ZNF177: variants seen among roughly 807,000 people sequenced by gnomAD.
ZNF177 encodes zinc finger protein 177.
ZNF177 carries 17 observed loss-of-function variants against 19.4 expected under a neutral mutation model. The observed-to-expected ratio is 0.87, with a 90% confidence interval of 0.60 to 1.31. The LOEUF is 1.31. ZNF177 is among the 40% of genes most tolerant of loss of function. The pLI, the probability that ZNF177 is intolerant of heterozygous loss-of-function variation, is 0.00. For missense variants in ZNF177, 633 were observed against 561.8 expected (o/e 1.13, Z -1.28); for synonymous variants, 220 against 188.7 (o/e 1.17, Z -1.36).
intron 2 of ZNF177, among the ~76,000 whole-genome samples, chr19:9,369,990 C>G (rs1364215973): frequency 6.6e-6 from 1 of 152,110 alleles, no homozygotes; most frequent in Non-Finnish European, 1.5e-5. Flanking sequence ...ATCCATTTTA[C>G]CTTTGTTCAT....
chr19:9,375,584 ATTTCT>A (rs2068098627), upstream of ZNF177, among the ~76,000 whole-genome samples: 1 of 151,974 alleles, frequency 6.6e-6, no homozygotes, highest in African/African-American at 2.4e-5. Context: ...GAATTTATTC[ATTTCT>A]TCTAGGTTAT....
chr19:9,367,857 TA>T (rs1189960430), intron 2 of ZNF177, among the ~76,000 whole-genome samples: 3 of 152,222 alleles, frequency 2.0e-5, no homozygotes, highest in African/African-American at 7.2e-5. Flanking sequence ...GGGGTTTGCA[TA>T]AAGGCTATAT....
At chr19:9,380,553 TGTCA>T (rs2068180568) in intron 5 of ZNF177, 111 bp from the exon 8 acceptor site, 1 of 1,532,290 alleles carries the variant, frequency 6.5e-7, no homozygotes, top group Non-Finnish European at 8.7e-7. Flanking sequence ...ATGGTACACA[TGTCA>T]GTCATGATCA....
At chr19:9,367,703 A>T (rs945675027) in intron 2 of ZNF177, among the ~76,000 whole-genome samples, 1 of 152,202 alleles carries the variant, frequency 6.6e-6, no homozygotes, top group African/African-American at 2.4e-5. Context: ...TTATACTCTT[A>T]ATCACGGTAA....
chr19:9,370,742 G>A (rs1247085923), intron 2 of ZNF177, among the ~76,000 whole-genome samples: 1 of 152,050 alleles, frequency 6.6e-6, no homozygotes, highest in Admixed American at 6.6e-5. Context: ...ATGCTGTATT[G>A]TTTAAGGAAT....
chr19:9,375,603 AT>A (rs2068098953), upstream of ZNF177, among the ~76,000 whole-genome samples: 1 of 151,918 alleles, frequency 6.6e-6, no homozygotes, highest in African/African-American at 2.4e-5. Flanking sequence ...AGGTTATCCA[AT>A]TTTTTGGCAT....
chr19:9,379,290 T>C, intron 3 of ZNF177: 1 of 1,110,598 alleles, frequency 9.0e-7, no homozygotes, highest in South Asian at 1.9e-5. Context: ...TTAAGGTAAT[T>C]TGCAATCTGT....
At chr19:9,363,013 G>C (rs1352681519), upstream of ZNF177, 1 of 152,312 alleles carries the variant, frequency 6.6e-6, no homozygotes. Context: ...GTGGGCGTCC[G>C]TCGCCTCGCC....
chr19:9,372,107 T>C (rs954985939), upstream of ZNF177, among the ~76,000 whole-genome samples: 6 of 152,222 alleles, frequency 3.9e-5, no homozygotes, highest in Non-Finnish European at 5.9e-5. Flanking sequence ...TAGAACTTTG[T>C]ATATAAGATT....
At chr19:9,379,382 C>T in intron 3 of ZNF177, 145 bp from the exon 6 acceptor site, 1 of 1,236,006 alleles carries the variant, frequency 8.1e-7, no homozygotes, top group Non-Finnish European at 1.1e-6. Context: ...AAAGAAAGAG[C>T]TCGGCTCTGA....
Position 9,379,621 on chromosome 19 carries a change from T to TGAGCCTTGGGCAGAACAGGGTG in ZNF177, c.253+3_253+24dup. 1 of 1,613,460 alleles carries TGAGCCTTGGGCAGAACAGGGTG rather than the reference T, an allele frequency of 6.2e-7. No homozygotes were observed. Among genetic ancestry groups the TGAGCCTTGGGCAGAACAGGGTG allele is most frequent in the East Asian group, 2.2e-5 (1 of 44,878 alleles). Reference sequence around the variant, plus strand: ...GAATTTTACAAGGTGACTGTGCAGGTGAGCCTTGGGCAGAACAGGGTGCAG... The same window carrying TGAGCCTTGGGCAGAACAGGGTG: ...GAATTTTACAAGGTGACTGTGCAGGTGAGCCTTGGGCAGAACAGGGTGGAGCCTTGGGCAGAACAGGGTGCAG... On this transcript the variant is annotated splice_region_variant and intron_variant, in intron 4 of 5. Coordinates refer to ENST00000589262, the Ensembl canonical transcript of ZNF177.
At chr19:9,380,637 C>A in intron 5 of ZNF177, 31 bp from the exon 8 acceptor site, 10 of 1,535,966 alleles carry the variant, frequency 6.5e-6, no homozygotes, top group Non-Finnish European at 8.7e-6. Context: ...GTGAAAAAGC[C>A]TCTAGTCACC....
At chr19:9,380,016 C>CT in intron 4 of ZNF177, 41 bp from the exon 7 acceptor site, 2 of 1,596,148 alleles carry the variant, frequency 1.3e-6, no homozygotes, top group Non-Finnish European at 1.7e-6. Context: ...TGATCCCAAC[C>CT]TTTTCTCCCA....
intron 5 of ZNF177, 184 bp from the exon 8 acceptor site, chr19:9,380,484 A>AGT: frequency 1.7e-6 from 2 of 1,168,980 alleles, no homozygotes; most frequent in Non-Finnish European, 2.4e-6. Context: ...TGGACAGAGG[A>AGT]GTGAGCTTAT....
At chr19:9,375,017 T>G (rs1387034503), upstream of ZNF177, among the ~76,000 whole-genome samples, 1 of 152,204 alleles carries the variant, frequency 6.6e-6, no homozygotes, top group Non-Finnish European at 1.5e-5. Context: ...ACTTTCCTTC[T>G]GTAACTAATT....
chr19:9,378,562 A>G (rs550444345), intron 2 of ZNF177: 2 of 738,796 alleles, frequency 2.7e-6, no homozygotes, highest in Non-Finnish European at 4.4e-6. Context: ...TTGAGTATGA[A>G]TTCCATACTG....
intron 3 of ZNF177, chr19:9,379,316 T>C (rs560397928): frequency 6.3e-4 from 674 of 1,067,204 alleles, no homozygotes; most frequent in Non-Finnish European, 8.2e-4. Context: ...ATCTTGTGTA[T>C]AGGTTTCAAG....
chr19:9,367,945 T>C (rs2068001653), intron 2 of ZNF177, among the ~76,000 whole-genome samples: 1 of 152,188 alleles, frequency 6.6e-6, no homozygotes, highest in Admixed American at 6.5e-5. Context: ...ATGCAAACAT[T>C]AGTGACAAAT....
chr19:9,373,725 C>A (rs1027732219), upstream of ZNF177, among the ~76,000 whole-genome samples: 8 of 152,142 alleles, frequency 5.3e-5, no homozygotes, highest in Non-Finnish European at 1.2e-4. Context: ...TACCTACTGG[C>A]CATTTTTATT....
Sources: gnomAD v4.1 joint callset for allele counts (sites outside exome capture counted in the v4.1 genomes callset) on GRCh38, gnomAD v4.1.1 for gene constraint, MANE v1.5 for transcripts, NCBI Gene and HGNC (gene_info 2026-07-23, HGNC 2026-07-21) for gene names.